ZNF804B: variants seen among roughly 807,000 people sequenced by gnomAD.
ZNF804B encodes zinc finger 804B.
ZNF804B carries 80 observed loss-of-function variants against 101.4 expected under a neutral mutation model. The ratio of observed to expected loss-of-function variants is 0.79; its 90% confidence interval spans 0.66 to 0.95. The LOEUF (loss-of-function observed/expected upper bound fraction) is 0.95, where lower values mean the gene tolerates loss of function less well. ZNF804B is among the 40% of genes least tolerant of loss of function. ZNF804B has a pLI of 0.00. For missense variants in ZNF804B, 1,673 were observed against 1,561.9 expected (o/e 1.07, Z -1.20); for synonymous variants, 622 against 558.8 (o/e 1.11, Z -1.59).
chr7:88,854,414 C>CCTTTCTTTCTTCCTTCCTTT (rs1491507073), intron 1 of ZNF804B, among the ~76,000 whole-genome samples: 5 of 57,114 alleles, frequency 8.8e-5, no homozygotes, highest in Non-Finnish European at 1.1e-4. Flanking sequence ...TTTCTTTCTT[C>CCTTTCTTTCTTCCTTCCTTT]CTTTCTTTCT....
intron 1 of ZNF804B, among the ~76,000 whole-genome samples, chr7:89,110,855 C>G (rs1435417148): frequency 6.6e-6 from 1 of 152,058 alleles, no homozygotes; most frequent in Non-Finnish European, 1.5e-5. Context: ...CCCTAAATAT[C>G]TACTATTTTT....
At chr7:89,072,793 A>G (rs1277950614) in intron 1 of ZNF804B, among the ~76,000 whole-genome samples, 1 of 152,136 alleles carries the variant, frequency 6.6e-6, no homozygotes, top group Non-Finnish European at 1.5e-5. Context: ...AGGGAATAAA[A>G]AAATGCAATG....
In ZNF804B at chr7:89,334,772, G is replaced by A; in HGVS notation, c.1790G>A (p.Ser597Asn). ...AAGGATTGTGCTGGAAAGAATAATA[G>A]TAGTGAGAACAAACTTAAGGAAGCT... ...SLKDCAGKNN[S>N]SENKLKEASR... The change falls in exon 4 of 4, where the codon AGT becomes AAT. Residue 597 changes from serine to asparagine, a missense_variant. Physicochemically the swap from Ser to Asn is conservative, Grantham distance 46 (BLOSUM62 1). Transcript: ENST00000333190. 1 of 1,613,794 alleles carries A rather than the reference G, an allele frequency of 6.2e-7. No individual in the cohort carries two copies. Among genetic ancestry groups the A allele is most frequent in the Non-Finnish European group, 8.5e-7 (1 of 1,179,850 alleles).
intron 2 of ZNF804B, among the ~76,000 whole-genome samples, chr7:89,250,022 C>T (rs916680364): frequency 6.6e-6 from 1 of 151,988 alleles, no homozygotes; most frequent in African/African-American, 2.4e-5. Context: ...CCTATCTCTA[C>T]TGAAAATACA....
chr7:89,114,097 A>T (rs557855335), intron 1 of ZNF804B, among the ~76,000 whole-genome samples: 98 of 152,308 alleles, frequency 6.4e-4, no homozygotes, highest in Non-Finnish European at 1.1e-3. Flanking sequence ...CCTTAGCCAA[A>T]AAATAAAGAA....
intron 1 of ZNF804B, among the ~76,000 whole-genome samples, chr7:88,942,978 A>C (rs1793076470): frequency 6.6e-6 from 1 of 151,898 alleles, no homozygotes; most frequent in South Asian, 2.1e-4. Flanking sequence ...AAAGAACAGA[A>C]AAACAGTTGC....
chr7:89,069,735 T>G (rs1463127232), intron 1 of ZNF804B, among the ~76,000 whole-genome samples: 1 of 152,160 alleles, frequency 6.6e-6, no homozygotes, highest in African/African-American at 2.4e-5. Flanking sequence ...AGTCGAATTT[T>G]CCCCCAGTAT....
At chr7:88,789,857 C>A (rs1790353640) in intron 1 of ZNF804B, among the ~76,000 whole-genome samples, 1 of 152,026 alleles carries the variant, frequency 6.6e-6, no homozygotes, top group African/African-American at 2.4e-5. Flanking sequence ...ATGTCAAATT[C>A]TATTTGTATT....
At chr7:88,871,036 A>G (rs111285034) in intron 1 of ZNF804B, among the ~76,000 whole-genome samples, 2 of 152,218 alleles carry the variant, frequency 1.3e-5, no homozygotes, top group African/African-American at 2.4e-5. Context: ...AAATTTTTCT[A>G]TTAAAAGATT....
chr7:89,123,810 G>C (rs929924166), intron 1 of ZNF804B, among the ~76,000 whole-genome samples: 1 of 152,146 alleles, frequency 6.6e-6, no homozygotes, highest in South Asian at 2.1e-4. Flanking sequence ...AATTGGTTTA[G>C]TTGGAATTGT....
At chr7:88,888,064 T>G (rs1198513039) in intron 1 of ZNF804B, among the ~76,000 whole-genome samples, 1 of 152,156 alleles carries the variant, frequency 6.6e-6, no homozygotes, top group African/African-American at 2.4e-5. Flanking sequence ...TTCCTATAGA[T>G]GGACATCATT....
chr7:89,095,359 G>A (rs371048378), intron 1 of ZNF804B, among the ~76,000 whole-genome samples: 27 of 152,278 alleles, frequency 1.8e-4, no homozygotes, highest in Non-Finnish European at 3.2e-4. Context: ...CTAGAACTGT[G>A]AGAAATAAAC....
At chr7:89,279,652 G>C (rs201141260) in intron 2 of ZNF804B, among the ~76,000 whole-genome samples, 2 of 152,104 alleles carry the variant, frequency 1.3e-5, no homozygotes, top group Non-Finnish European at 2.9e-5. Context: ...GCTGGATTAC[G>C]TTTATTGATT....
chr7:88,826,688 T>C (rs1450836621), intron 1 of ZNF804B, among the ~76,000 whole-genome samples: 1 of 152,114 alleles, frequency 6.6e-6, no homozygotes, highest in Non-Finnish European at 1.5e-5. Flanking sequence ...CATACTAATT[T>C]ATAAGTTCAT....
intron 1 of ZNF804B, among the ~76,000 whole-genome samples, chr7:88,994,932 C>T (rs971285743): frequency 1.3e-5 from 2 of 151,994 alleles, no homozygotes; most frequent in South Asian, 2.1e-4. Context: ...TACCAGCTTC[C>T]GGAATTGGAG....
At chr7:88,791,589 T>TA (rs1176093963) in intron 1 of ZNF804B, among the ~76,000 whole-genome samples, 4 of 152,064 alleles carry the variant, frequency 2.6e-5, no homozygotes, top group African/African-American at 7.2e-5. Context: ...TATAGACCCA[T>TA]AAAAAATCTA....
intron 1 of ZNF804B, among the ~76,000 whole-genome samples, chr7:89,093,115 CCTTAA>C (rs757764567): frequency 2.0e-4 from 30 of 152,098 alleles, no homozygotes; most frequent in Non-Finnish European, 2.6e-4. Flanking sequence ...CAGCTATCTC[CCTTAA>C]CTTATTTGTA....
intron 1 of ZNF804B, among the ~76,000 whole-genome samples, chr7:88,803,896 C>A (rs2115717749): frequency 6.6e-6 from 1 of 152,126 alleles, no homozygotes; most frequent in East Asian, 1.9e-4. Flanking sequence ...CATTATGGAA[C>A]ATCCAGTTTT....
intron 1 of ZNF804B, among the ~76,000 whole-genome samples, chr7:88,763,202 A>C (rs1395958693): frequency 2.0e-5 from 3 of 152,174 alleles, no homozygotes; most frequent in Admixed American, 6.5e-5. Context: ...CCAAACATGC[A>C]ATTTTAAGCT....
Sources: gnomAD v4.1 joint callset for allele counts (sites outside exome capture counted in the v4.1 genomes callset) on GRCh38, gnomAD v4.1.1 for gene constraint, MANE v1.5 for transcripts, NCBI Gene and HGNC (gene_info 2026-07-23, HGNC 2026-07-21) for gene names.